FRAS1: variants seen among roughly 807,000 people sequenced by gnomAD.
FRAS1 encodes the protein Fraser extracellular matrix complex subunit 1.
Under a neutral mutation model 435.2 loss-of-function variants are expected in FRAS1, and 290 were observed. The ratio of observed to expected loss-of-function variants is 0.67; its 90% CI spans 0.61 to 0.73. The LOEUF is 0.73. Ranked by LOEUF, FRAS1 falls within the 30% of genes least tolerant of loss-of-function variation. The pLI, the probability that FRAS1 is intolerant of heterozygous loss-of-function variation, is 0.00. For missense variants in FRAS1, 4,860 were observed against 5,001.5 expected (o/e 0.97, Z 0.85); for synonymous variants, 1,800 against 1,851.0 (o/e 0.97, Z 0.71).
At chr4:78,241,015 G>A (rs1016370335) in intron 3 of FRAS1, among the ~76,000 whole-genome samples, 4 of 152,136 alleles carry the variant, frequency 2.6e-5, no homozygotes, top group Admixed American at 1.3e-4. Flanking sequence ...GTAGGCCACC[G>A]GTGGCCACGC....
chr4:78,210,693 A>G (rs1349860999), intron 2 of FRAS1, among the ~76,000 whole-genome samples: 4 of 152,226 alleles, frequency 2.6e-5, no homozygotes, highest in Admixed American at 6.5e-5. Flanking sequence ...TGATACAATT[A>G]TGGAAAATAG....
At chr4:78,510,722 A>G (rs752952033) in intron 63 of FRAS1, among the ~76,000 whole-genome samples, 6 of 152,220 alleles carry the variant, frequency 3.9e-5, no homozygotes, top group Non-Finnish European at 8.8e-5. Flanking sequence ...ACCTTCAAAG[A>G]CTAGAAGGTG....
chr4:78,273,164 G>A (rs1726803306), intron 9 of FRAS1, among the ~76,000 whole-genome samples: 1 of 152,288 alleles, frequency 6.6e-6, no homozygotes, highest in East Asian at 1.9e-4. Context: ...TATCGATTTT[G>A]TATCCTGAGA....
At chr4:78,339,339 G>T (rs899622617) in intron 20 of FRAS1, among the ~76,000 whole-genome samples, 1 of 152,200 alleles carries the variant, frequency 6.6e-6, no homozygotes, top group Non-Finnish European at 1.5e-5. Flanking sequence ...CTGAGCACAA[G>T]GTGCCAAGTT....
chr4:78,473,663 AG>A, intron 53 of FRAS1, 66 bp downstream of exon 53: 3 of 1,334,934 alleles, frequency 2.2e-6, no homozygotes, highest in Non-Finnish European at 3.1e-6. Context: ...GTCAGGATGA[AG>A]GATGCTGGGG....
chr4:78,309,630 T>G (rs186550869), intron 15 of FRAS1, among the ~76,000 whole-genome samples: 227 of 152,288 alleles, frequency 1.5e-3, no homozygotes, highest in African/African-American at 5.0e-3. Context: ...CTGCTCATTA[T>G]AATGTGGTAT....
Position 78,155,842 on chromosome 4 carries a change from G to A in FRAS1, c.109-81668G>A, listed in dbSNP as rs548738808. Among the ~76,000 whole-genome samples the A allele has an allele frequency of 1.4e-4, 22 of 152,132 alleles. 1 individual carries two copies. The East Asian group carries it at 3.9e-3, about 27-fold the overall frequency. On this transcript the variant is annotated intron_variant, in intron 2 of 73. Coordinates refer to ENST00000512123, the MANE Select transcript of FRAS1 (RefSeq NM_025074.7). ...TGTGTAGGGTGAAATCCATGGACTCGTACAGAGTTGGTGAGTGGGCCATCA... is the reference window on the plus strand; with the variant it reads ...TGTGTAGGGTGAAATCCATGGACTCATACAGAGTTGGTGAGTGGGCCATCA...
At chr4:78,499,601 C>A (rs886992452) in intron 60 of FRAS1, 120 bp from the exon 61 acceptor site, 21 of 857,824 alleles carry the variant, frequency 2.4e-5, no homozygotes, top group Non-Finnish European at 3.8e-5. Context: ...AGCCATTTTG[C>A]CTTCATACTG....
intron 32 of FRAS1, among the ~76,000 whole-genome samples, chr4:78,417,586 C>T (rs1488409126): frequency 6.6e-6 from 1 of 152,150 alleles, no homozygotes; most frequent in East Asian, 1.9e-4. Flanking sequence ...TTTCCTTGCT[C>T]ATTACATTCC....
chr4:78,207,369 ATAAAT>A (rs1723307547), intron 2 of FRAS1, among the ~76,000 whole-genome samples: 1 of 152,244 alleles, frequency 6.6e-6, no homozygotes, highest in Non-Finnish European at 1.5e-5. Context: ...GCTGTCTCAG[ATAAAT>A]TAAAGTTCAT....
chr4:78,290,903 A>G (rs376841157), intron 14 of FRAS1, among the ~76,000 whole-genome samples: 2 of 148,104 alleles, frequency 1.4e-5, no homozygotes, highest in Non-Finnish European at 3.0e-5. Flanking sequence ...AGTAACTAGC[A>G]TTACAGATAT....
intron 19 of FRAS1, 52 bp from the exon 20 acceptor site, chr4:78,337,622 C>G: frequency 6.3e-7 from 1 of 1,576,864 alleles, no homozygotes; most frequent in Non-Finnish European, 8.7e-7. Context: ...ATACTTCACG[C>G]ATATACATGC....
intron 14 of FRAS1, among the ~76,000 whole-genome samples, chr4:78,301,741 A>C (rs1317202212): frequency 1.3e-5 from 2 of 150,942 alleles, no homozygotes; most frequent in Non-Finnish European, 2.9e-5. Context: ...CTAGAAAGTT[A>C]TGATTTCCTT....
intron 47 of FRAS1, among the ~76,000 whole-genome samples, chr4:78,458,512 G>A (rs936955590): frequency 1.3e-5 from 2 of 152,088 alleles, no homozygotes; most frequent in African/African-American, 4.8e-5. Flanking sequence ...TTAACACTGG[G>A]TATGCTTGGA....
chr4:78,322,262 T>C (rs987265213), intron 18 of FRAS1, among the ~76,000 whole-genome samples: 1 of 152,210 alleles, frequency 6.6e-6, no homozygotes, highest in Non-Finnish European at 1.5e-5. Context: ...AAGTGCTGTC[T>C]ATGAATCAGG....
intron 2 of FRAS1, among the ~76,000 whole-genome samples, chr4:78,183,081 G>A (rs758566691): frequency 1.3e-5 from 2 of 152,064 alleles, no homozygotes; most frequent in African/African-American, 2.4e-5. Flanking sequence ...GAGCAATGCC[G>A]CAGAAGTCTC....
chr4:78,324,984 A>G (rs1490245402), intron 18 of FRAS1, among the ~76,000 whole-genome samples: 3 of 152,206 alleles, frequency 2.0e-5, no homozygotes, highest in Non-Finnish European at 4.4e-5. Context: ...TTTTTATTTT[A>G]AAAATGAACT....
intron 41 of FRAS1, among the ~76,000 whole-genome samples, chr4:78,442,153 A>ATGT (rs1364309442): frequency 6.6e-6 from 1 of 152,244 alleles, no homozygotes; most frequent in Non-Finnish European, 1.5e-5. Context: ...AGCAGTGGTC[A>ATGT]TGTTTTCCTA....
intron 52 of FRAS1, 111 bp downstream of exon 52, chr4:78,472,441 A>T (rs1429826644): frequency 1.1e-6 from 1 of 919,202 alleles, no homozygotes; most frequent in Non-Finnish European, 1.6e-6. Context: ...CCAAGTAACC[A>T]CTTTGCAGAG....
Sources: gnomAD v4.1 joint callset for allele counts (sites outside exome capture counted in the v4.1 genomes callset) on GRCh38, gnomAD v4.1.1 for gene constraint, MANE v1.5 for transcripts, NCBI Gene and HGNC (gene_info 2026-07-23, HGNC 2026-07-21) for gene names.